FARP2: variants seen among roughly 807,000 people sequenced by gnomAD.
FARP2 encodes the protein FERM, ARH/RhoGEF and pleckstrin domain protein 2, also known as FERM, ARHGEF and pleckstrin domain-containing protein 2.
A neutral mutation model predicts 130.5 loss-of-function variants in FARP2; 111 were observed. The ratio of observed to expected loss-of-function variants is 0.85; its 90% CI spans 0.73 to 1.00. The LOEUF (loss-of-function observed/expected upper bound fraction) is 1.00. Among genes scored for constraint, FARP2 ranks in the 50% least tolerant of loss-of-function variants. The pLI, the probability that FARP2 is intolerant of heterozygous loss-of-function variation, is 0.00. For synonymous variants in FARP2, 504 were observed against 516.9 expected, an observed-to-expected ratio of 0.98 and a Z score of 0.34; for missense variants, 1,385 against 1,346.3, an observed-to-expected ratio of 1.03 and a Z score of -0.45.
At chr2:241,384,572 A>G (rs2061740927) in intron 2 of FARP2, among the ~76,000 whole-genome samples, 1 of 152,236 alleles carries the variant, frequency 6.6e-6, no homozygotes, top group Admixed American at 6.5e-5. Flanking sequence ...CCTGATTATG[A>G]AAAATACATT....
chr2:241,403,466 A>G (rs927071272), intron 2 of FARP2, among the ~76,000 whole-genome samples: 19 of 152,190 alleles, frequency 1.2e-4, no homozygotes, highest in Non-Finnish European at 2.8e-4. Context: ...CACCCACCTC[A>G]GCCTCAAATT....
chr2:241,465,599 T>A, intron 17 of FARP2: 23 of 1,550,696 alleles, frequency 1.5e-5, no homozygotes, highest in Non-Finnish European at 2.0e-5. Context: ...TGGACAACAG[T>A]GCAGGTCGTG....
At chr2:241,366,395 A>G (rs903912945) in intron 1 of FARP2, among the ~76,000 whole-genome samples, 1 of 151,884 alleles carries the variant, frequency 6.6e-6, no homozygotes, top group Non-Finnish European at 1.5e-5. Context: ...TAAAATCAGG[A>G]TACCAGGTTG....
At chr2:241,430,173 C>T (rs2063055672) in intron 8 of FARP2, among the ~76,000 whole-genome samples, 1 of 152,192 alleles carries the variant, frequency 6.6e-6, no homozygotes, top group African/African-American at 2.4e-5. Context: ...CTTTAACTTT[C>T]CCACATTTGG....
intron 4 of FARP2, among the ~76,000 whole-genome samples, 198 bp downstream of exon 4, chr2:241,405,039 C>T (rs1267023063): frequency 6.6e-6 from 1 of 152,178 alleles, no homozygotes; most frequent in Admixed American, 6.5e-5. Context: ...AGGTGACTTG[C>T]TTCACATTCG....
intron 2 of FARP2, among the ~76,000 whole-genome samples, chr2:241,383,159 C>T (rs1270063009): frequency 6.6e-6 from 1 of 152,204 alleles, no homozygotes; most frequent in African/African-American, 2.4e-5. Context: ...TCGGTGTGCA[C>T]CACCCTCTGC....
chr2:241,385,952 T>G (rs536719425), intron 2 of FARP2, among the ~76,000 whole-genome samples: 4 of 152,320 alleles, frequency 2.6e-5, no homozygotes, highest in Admixed American at 2.0e-4. Flanking sequence ...ATTTCTCTCT[T>G]TACCTCCTGT....
chr2:241,416,628 T>C (rs1055848546), intron 7 of FARP2, among the ~76,000 whole-genome samples: 3 of 152,232 alleles, frequency 2.0e-5, no homozygotes, highest in African/African-American at 4.8e-5. Flanking sequence ...TTTTGGATCT[T>C]TGAAACTGGA....
chr2:241,357,366 C>G (rs929931196), intron 1 of FARP2, among the ~76,000 whole-genome samples: 3 of 152,048 alleles, frequency 2.0e-5, no homozygotes, highest in Admixed American at 6.6e-5. Flanking sequence ...TTTCTCAGTA[C>G]CAGAGAGATG....
intron 1 of FARP2, among the ~76,000 whole-genome samples, chr2:241,358,167 C>T (rs1275439079): frequency 2.6e-5 from 4 of 151,930 alleles, no homozygotes; most frequent in East Asian, 3.9e-4. Flanking sequence ...TCATCCTGGG[C>T]GACAGAGCGA....
intron 13 of FARP2, among the ~76,000 whole-genome samples, chr2:241,451,373 C>G (rs573781566): frequency 6.6e-6 from 1 of 152,304 alleles, no homozygotes; most frequent in African/African-American, 2.4e-5. Flanking sequence ...AGTTTGTGAT[C>G]CATCCCAGCA....
At chr2:241,377,768 T>C (rs538489094) in intron 2 of FARP2, among the ~76,000 whole-genome samples, 1 of 152,330 alleles carries the variant, frequency 6.6e-6, no homozygotes, top group African/African-American at 2.4e-5. Flanking sequence ...CTATTACTTT[T>C]TATCATTTTG....
intron 2 of FARP2, among the ~76,000 whole-genome samples, chr2:241,378,863 G>A (rs1001140311): frequency 6.6e-6 from 1 of 152,204 alleles, no homozygotes; most frequent in African/African-American, 2.4e-5. Context: ...TCAAAGGTCA[G>A]TGACTAGTTT....
chr2:241,400,789 A>T (rs1314818168), intron 2 of FARP2, among the ~76,000 whole-genome samples: 1 of 152,180 alleles, frequency 6.6e-6, no homozygotes, highest in African/African-American at 2.4e-5. Flanking sequence ...CCTGGATGGA[A>T]GTGTGGACAG....
rs762961302 is a variant in FARP2 at position 241,431,822 on chromosome 2, A to T, written c.867+48A>T. ...TATTTTTATTTTATTTTATTTATTT[A>T]TTTATTTATTTTTTTGAGACGGAGT... On this transcript the variant is annotated intron_variant, in intron 9 of 26. Transcript: ENST00000264042. 3.8e-5 allele frequency: 26 copies of T among 686,024 alleles called. No homozygotes were observed. In the African/African-American group the frequency reaches 4.3e-4, roughly 11 times the overall value. 42.5% of individuals were successfully genotyped at this position (686,024 alleles called of 1,614,324 possible).
At chr2:241,456,441 G>A (rs1334373013) in intron 13 of FARP2, 3 of 278,466 alleles carry the variant, frequency 1.1e-5, no homozygotes, top group East Asian at 7.9e-5. Context: ...TACATATTCT[G>A]CAGAGCCCAA....
chr2:241,488,627 C>T (rs947103070), intron 21 of FARP2: 1 of 152,096 alleles, frequency 6.6e-6, no homozygotes, highest in African/African-American at 2.4e-5. Context: ...GTCTCGATCT[C>T]CTGACCTTGT....
chr2:241,358,389 G>C (rs954904061), intron 1 of FARP2, among the ~76,000 whole-genome samples: 4 of 152,214 alleles, frequency 2.6e-5, no homozygotes, highest in Non-Finnish European at 5.9e-5. Context: ...CCTGTTTAGA[G>C]GGAATGGTAT....
At chr2:241,379,058 C>G (rs1016134801) in intron 2 of FARP2, among the ~76,000 whole-genome samples, 1 of 152,186 alleles carries the variant, frequency 6.6e-6, no homozygotes, top group African/African-American at 2.4e-5. Flanking sequence ...GAAATACTTT[C>G]AGCTCCAAAC....
Sources: allele counts gnomAD v4.1 joint callset (sites outside exome capture counted in the v4.1 genomes callset), GRCh38; gene constraint gnomAD v4.1.1; transcripts MANE v1.5; gene names NCBI Gene and HGNC (gene_info 2026-07-23, HGNC 2026-07-21).